ACYP2: variants seen among roughly 807,000 people sequenced by gnomAD.
The protein encoded by ACYP2 is acylphosphatase 2.
A neutral mutation model predicts 11.2 loss-of-function variants in ACYP2; 12 were observed. The observed-to-expected ratio is 1.08, with a 90% CI of 0.69 to 1.74. ACYP2 has a LOEUF of 1.74. Ranked by LOEUF, ACYP2 falls within the 40% of genes most tolerant of loss-of-function variation. The pLI, the probability that ACYP2 is intolerant of heterozygous loss-of-function variation, is 0.00. For missense variants in ACYP2, 134 were observed against 101.9 expected (o/e 1.31, Z -1.35); for synonymous variants, 43 against 32.2 (o/e 1.33, Z -1.13).
In ACYP2 at chr2:54,186,994, C is replaced by G. The variant is rs75344299; in HGVS notation, c.404+48246C>G. 8.6e-3 allele frequency among the ~76,000 whole-genome samples: 1,301 copies of G among 151,964 alleles called. 19 individuals are homozygous for G. The highest frequency in any genetic ancestry group is 0.03 in the African/African-American group (1,247 of 41,458). On this transcript the variant is annotated intron_variant, in intron 6 of 6. Coordinates refer to ENST00000607452, the MANE Select transcript of ACYP2 (RefSeq NM_001320586.2). ...AGGAAGAGGACAAAGGCACATTGTC[C>G]AGCTTTAAGTTTCAAATTAGAATTT...
At chr2:54,257,822 C>T (rs966129604) in intron 6 of ACYP2, among the ~76,000 whole-genome samples, 4 of 151,952 alleles carry the variant, frequency 2.6e-5, no homozygotes, top group African/African-American at 9.7e-5. Flanking sequence ...CTTATCAACA[C>T]GGACTGAAAT....
intron 4 of ACYP2, among the ~76,000 whole-genome samples, chr2:54,097,713 A>G (rs1021302678): frequency 1.3e-5 from 2 of 151,938 alleles, no homozygotes; most frequent in Non-Finnish European, 2.9e-5. Flanking sequence ...GTGGTTTTGG[A>G]GCATTTTAAA....
intron 6 of ACYP2, among the ~76,000 whole-genome samples, chr2:54,201,697 TCTTTTTTC>T (rs1684839168): frequency 1.4e-5 from 2 of 148,040 alleles, no homozygotes; most frequent in African/African-American, 5.1e-5. Context: ...TCTCTCTCTC[TCTTTTTTC>T]TTTTCTTTTC....
chr2:54,116,973 G>A (rs370620310), intron 4 of ACYP2, among the ~76,000 whole-genome samples: 7 of 152,306 alleles, frequency 4.6e-5, no homozygotes, highest in Admixed American at 3.9e-4. Context: ...GTGACCAGGG[G>A]TGACTCAGGA....
intron 2 of ACYP2, chr2:53,973,927 TTTTG>T (rs1312644472): frequency 6.2e-6 from 1 of 161,656 alleles, no homozygotes; most frequent in Non-Finnish European, 1.3e-5. Flanking sequence ...TTTTTTTTTT[TTTTG>T]AGTCTCACTC....
intron 2 of ACYP2, among the ~76,000 whole-genome samples, chr2:53,999,287 G>A (rs947111127): frequency 2.0e-5 from 3 of 152,060 alleles, no homozygotes; most frequent in African/African-American, 7.2e-5. Flanking sequence ...ACACATACAG[G>A]GAGATGTCAT....
At chr2:54,256,307 C>T in intron 6 of ACYP2, 1 of 727,278 alleles carries the variant, frequency 1.4e-6, no homozygotes, top group South Asian at 1.9e-5. Context: ...GACACTCACT[C>T]CTCAGTCTCG....
At chr2:54,135,350 C>T in intron 4 of ACYP2, 103 bp from the exon 2 acceptor site, 2 of 1,049,084 alleles carry the variant, frequency 1.9e-6, no homozygotes, top group Non-Finnish European at 2.8e-6. Flanking sequence ...GAAGGTGAAA[C>T]CAAGGATAAA....
intron 6 of ACYP2, among the ~76,000 whole-genome samples, chr2:54,166,784 C>T (rs1346469679): frequency 6.6e-6 from 1 of 152,194 alleles, no homozygotes; most frequent in Non-Finnish European, 1.5e-5. Flanking sequence ...ACCTTCCAAG[C>T]CCCCCACCTC....
At position 54,035,032 on chromosome 2, in the gene ACYP2, A is replaced by T. The variant is rs1045086561; in HGVS notation, c.63-15926A>T. ...CTCAAAAAAAAAAAAAAAAAAAAAA[A>T]GCCTAGACTCTGGTTAAGAGGTTTA... On this transcript the variant is annotated intron_variant, in intron 2 of 6. Transcript: ENST00000607452. Among the ~76,000 whole-genome samples, 33 of 144,096 alleles carry T rather than the reference A, an allele frequency of 2.3e-4. No homozygotes were observed. The South Asian group carries it at 3.5e-3, about 15-fold the overall frequency. The allele number at this position is 144,096 out of a possible 152,430, so 94.5% of individuals were successfully genotyped here.
intron 2 of ACYP2, among the ~76,000 whole-genome samples, chr2:54,048,599 C>T (rs1374203817): frequency 6.6e-6 from 1 of 152,138 alleles, no homozygotes; most frequent in South Asian, 2.1e-4. Context: ...CTACTGGGCT[C>T]AAGGGATCCT....
chr2:54,201,604 C>CTTTCTTTCTTTCTCTTTCTT (rs1684780574), intron 6 of ACYP2, among the ~76,000 whole-genome samples: 1 of 83,928 alleles, frequency 1.2e-5, no homozygotes, highest in African/African-American at 4.3e-5. Flanking sequence ...CTCTTTCTTT[C>CTTTCTTTCTTTCTCTTTCTT]TTTCTTTCTT....
At chr2:54,071,524 A>G (rs1677042738) in intron 4 of ACYP2, among the ~76,000 whole-genome samples, 4 of 151,522 alleles carry the variant, frequency 2.6e-5, no homozygotes, top group Admixed American at 2.6e-4. Flanking sequence ...AGAGTGCAGT[A>G]GTATGGTCAT....
chr2:54,265,237 C>T (rs866150099), intron 6 of ACYP2, among the ~76,000 whole-genome samples: 1 of 152,184 alleles, frequency 6.6e-6, no homozygotes, highest in South Asian at 2.1e-4. Context: ...GGGGAGGCCT[C>T]ACAATCTTGG....
At chr2:54,279,561 C>G (rs1380140786) in intron 6 of ACYP2, among the ~76,000 whole-genome samples, 3 of 151,836 alleles carry the variant, frequency 2.0e-5, no homozygotes, top group African/African-American at 7.3e-5. Flanking sequence ...CAACAGAATT[C>G]CCAGAACCCC....
rs577553139 is a variant in ACYP2, at chr2:54,075,791, C to T, written c.277+18431C>T. Among the ~76,000 whole-genome samples the T allele has an allele frequency of 1.5e-3, 225 of 150,718 alleles. 2 individuals carry two copies. The highest frequency in any genetic ancestry group is 0.011 in the Admixed American group (170 of 15,116). ...TCACGCCACTGCACTCCAGCCTGGG[C>T]GATAGAACAAGACTCCATCTCAAAA... On this transcript the variant is annotated intron_variant, in intron 4 of 6. Transcript: ENST00000607452.
At chr2:54,066,206 A>T (rs1035379320) in intron 4 of ACYP2, among the ~76,000 whole-genome samples, 1 of 152,104 alleles carries the variant, frequency 6.6e-6, no homozygotes, top group Non-Finnish European at 1.5e-5. Flanking sequence ...AGTTTTCCTC[A>T]TGCTGTTCCC....
chr2:54,130,914 A>G (rs1413920775), intron 4 of ACYP2, among the ~76,000 whole-genome samples: 3 of 152,134 alleles, frequency 2.0e-5, no homozygotes, highest in Non-Finnish European at 2.9e-5. Flanking sequence ...CAGCCCTAAA[A>G]TCACCCAAGA....
chr2:53,994,329 C>CAAAAAAAA (rs374302355), intron 2 of ACYP2, among the ~76,000 whole-genome samples: 2 of 42,890 alleles, frequency 4.7e-5, no homozygotes, highest in Non-Finnish European at 8.1e-5. Flanking sequence ...GACTCCGTCT[C>CAAAAAAAA]AAAAAAAAAA....
Sources: allele counts gnomAD v4.1 joint callset (sites outside exome capture counted in the v4.1 genomes callset), GRCh38; gene constraint gnomAD v4.1.1; transcripts MANE v1.5; gene names NCBI Gene and HGNC (gene_info 2026-07-23, HGNC 2026-07-21).